TECPR2: variants seen among roughly 807,000 people sequenced by gnomAD.
TECPR2 encodes the protein tectonin beta-propeller repeat-containing protein 2.
TECPR2 carries 65 observed loss-of-function variants against 138.1 expected under a neutral mutation model. That is an observed-to-expected ratio of 0.47 (90% CI 0.39 to 0.58). The LOEUF is 0.58. Among genes scored for constraint, TECPR2 ranks in the 20% least tolerant of loss-of-function variants. The pLI, the probability that TECPR2 is intolerant of heterozygous loss-of-function variation, is 0.00. For synonymous variants in TECPR2, 746 were observed against 749.8 expected (o/e 0.99, Z 0.08); for missense variants, 1,553 against 1,824.5 (o/e 0.85, Z 2.71).
intron 17 of TECPR2, among the ~76,000 whole-genome samples, chr14:102,472,402 C>G (rs1013997383): frequency 2.6e-5 from 4 of 152,214 alleles, no homozygotes; most frequent in African/African-American, 9.7e-5. Flanking sequence ...TGATCAACAG[C>G]TTTGCCAGGA....
intron 1 of TECPR2, among the ~76,000 whole-genome samples, chr14:102,370,646 T>G (rs192898654): frequency 6.6e-6 from 1 of 152,286 alleles, no homozygotes; most frequent in African/African-American, 2.4e-5. Context: ...ACTTGGGCTT[T>G]AGCAGGAGGA....
intron 2 of TECPR2, among the ~76,000 whole-genome samples, chr14:102,406,041 C>T (rs926668895): frequency 6.8e-6 from 1 of 147,470 alleles, no homozygotes; most frequent in African/African-American, 2.5e-5. Context: ...ATCATAAAGA[C>T]GGAAAGTAGA....
intron 3 of TECPR2, 65 bp downstream of exon 3, chr14:102,407,531 A>G: frequency 6.6e-6 from 10 of 1,522,874 alleles, no homozygotes; most frequent in Non-Finnish European, 8.8e-6. Flanking sequence ...TTTTAAAATT[A>G]GAAATCCTCA....
intron 16 of TECPR2, among the ~76,000 whole-genome samples, chr14:102,454,090 T>A (rs1204618673): frequency 6.6e-6 from 1 of 151,620 alleles, no homozygotes; most frequent in Non-Finnish European, 1.5e-5. Context: ...TAGGCAGAGG[T>A]TGCAGTGAGC....
chr14:102,446,145 C>T (rs1036654937), intron 13 of TECPR2, among the ~76,000 whole-genome samples, 198 bp downstream of exon 13: 2 of 152,082 alleles, frequency 1.3e-5, no homozygotes, highest in Non-Finnish European at 2.9e-5. Flanking sequence ...CGGCTCACTG[C>T]AGTCTTGACT....
chr14:102,425,883 GTT>G (rs71470206), intron 6 of TECPR2, among the ~76,000 whole-genome samples: 1 of 113,652 alleles, frequency 8.8e-6, no homozygotes, highest in Non-Finnish European at 1.8e-5. Context: ...TTTTTTTTTT[GTT>G]TTTTTTTTTT....
rs371538349 is a variant in TECPR2, at chr14:102,498,280, G to A, written c.*23G>A. ...TGAAGGAGCCCTGGCCGAGTCACGCGGAGGGGCCCGGCGTCTGTGGCGGGC... is the reference window on the plus strand; with the variant it reads ...TGAAGGAGCCCTGGCCGAGTCACGCAGAGGGGCCCGGCGTCTGTGGCGGGC... On this transcript the variant is annotated 3_prime_UTR_variant, in exon 20 of 20. Transcript: ENST00000359520. 39 of 1,590,288 alleles carry A rather than the reference G, an allele frequency of 2.5e-5. No homozygotes were observed. Among genetic ancestry groups the A allele is most frequent in the African/African-American group, 5.3e-5 (4 of 74,808 alleles).
intron 1 of TECPR2, among the ~76,000 whole-genome samples, chr14:102,369,758 G>A (rs149430566): frequency 0.039 from 5,876 of 151,520 alleles, 132 homozygotes; most frequent in Middle Eastern, 0.083. Context: ...TGGCTAACAC[G>A]GTGAAACCCC....
intron 2 of TECPR2, among the ~76,000 whole-genome samples, chr14:102,381,813 C>T (rs944707452): frequency 5.3e-5 from 8 of 152,054 alleles, no homozygotes; most frequent in Non-Finnish European, 1.2e-4. Flanking sequence ...GATGATTTTT[C>T]CCCTATTGAG....
In TECPR2 at chr14:102,376,868, G is replaced by A. The variant is rs1474621936; in HGVS notation, c.147G>A (p.Ala49=). Residue 49 remains alanine, a synonymous_variant, in exon 2 of 20, where the codon GCG becomes GCA. Transcript: ENST00000359520. ...TALDTNGDYI[A]VGSSIGMLYL... is the part of the protein sequence containing the mutation. ...TCGACACCAACGGGGACTACATCGCGGTGGGCAGCAGCATCGGCATGCTCT... is the reference window on the plus strand; with the variant it reads ...TCGACACCAACGGGGACTACATCGCAGTGGGCAGCAGCATCGGCATGCTCT... 1.5e-5 allele frequency: 24 copies of A among 1,614,150 alleles called. No individual in the cohort carries two copies. Among genetic ancestry groups the A allele is most frequent in the Middle Eastern group, 1.6e-4 (1 of 6,062 alleles).
intron 2 of TECPR2, among the ~76,000 whole-genome samples, chr14:102,401,290 T>C (rs1888469936): frequency 6.6e-6 from 1 of 151,330 alleles, no homozygotes; most frequent in South Asian, 2.1e-4. Flanking sequence ...AATACAAACA[T>C]TAGCTGGGTG....
intron 17 of TECPR2, among the ~76,000 whole-genome samples, chr14:102,485,530 C>T (rs1266199986): frequency 1.3e-5 from 2 of 152,166 alleles, no homozygotes; most frequent in Non-Finnish European, 2.9e-5. Flanking sequence ...GGCCATGATA[C>T]CTAGAAGTAG....
In TECPR2 at chr14:102,425,187, A is replaced by G. The variant is rs201360354; in HGVS notation, c.847A>G (p.Ser283Gly). 1.9e-6 allele frequency: 3 copies of G among 1,614,162 alleles called. No individual in the cohort carries two copies. The highest frequency in any genetic ancestry group is 2.7e-5 in the African/African-American group (2 of 75,044). ...GGAATCCCCCAACAGTGGAAGTTGC[A>G]GCTTACCTGAGAGGCACCTGGGGCT... ...RLESPNSGSC[S>G]LPERHLGLVS... The change falls in exon 6 of 20, where the codon AGC (serine) becomes GGC (glycine). Residue 283 changes from serine (S) to glycine (G), a missense_variant. Coordinates refer to ENST00000359520, the MANE Select transcript of TECPR2 (RefSeq NM_014844.5).
intron 17 of TECPR2, among the ~76,000 whole-genome samples, chr14:102,489,054 G>A (rs1044970625): frequency 1.3e-5 from 2 of 151,004 alleles, no homozygotes; most frequent in Admixed American, 6.6e-5. Context: ...GGCTAATTTT[G>A]TATTTTTAGT....
intron 16 of TECPR2, among the ~76,000 whole-genome samples, chr14:102,454,219 G>T (rs1890222459): frequency 6.6e-6 from 1 of 152,008 alleles, no homozygotes; most frequent in Non-Finnish European, 1.5e-5. Flanking sequence ...CAAGCCCCTG[G>T]CTGCATTGCA....
At chr14:102,425,688 G>A (rs531408400) in intron 6 of TECPR2, among the ~76,000 whole-genome samples, 1 of 151,922 alleles carries the variant, frequency 6.6e-6, no homozygotes, top group South Asian at 2.1e-4. Flanking sequence ...CGATTCTCCT[G>A]CCTCAGCCTC....
intron 13 of TECPR2, among the ~76,000 whole-genome samples, chr14:102,446,351 C>T (rs868237225): frequency 6.6e-6 from 1 of 152,216 alleles, no homozygotes; most frequent in South Asian, 2.1e-4. Flanking sequence ...GTAATCCCAG[C>T]AATTTGAGAG....
intron 4 of TECPR2, among the ~76,000 whole-genome samples, chr14:102,413,739 CTT>C (rs1278611338): frequency 6.6e-6 from 1 of 151,990 alleles, no homozygotes; most frequent in Non-Finnish European, 1.5e-5. Flanking sequence ...ATGAAATATG[CTT>C]TGTGTTAGCA....
chr14:102,462,803 C>T lies in TECPR2; in HGVS notation c.3641-2338C>T, dbSNP rs562477985. 2.6e-5 allele frequency among the ~76,000 whole-genome samples: 4 copies of T among 152,332 alleles called. No homozygotes were observed. The East Asian group carries it at 7.7e-4, about 29-fold the overall frequency. On this transcript the variant is annotated intron_variant, in intron 16 of 19. Coordinates refer to ENST00000359520, the MANE Select transcript of TECPR2 (RefSeq NM_014844.5). ...CAAACCACAGACTAGATTTACAATG[C>T]ACGTATCTGACAAAAGACTAGTACC...
Sources: allele counts gnomAD v4.1 joint callset (sites outside exome capture counted in the v4.1 genomes callset), GRCh38; gene constraint gnomAD v4.1.1; transcripts MANE v1.5; gene names NCBI Gene and HGNC (gene_info 2026-07-23, HGNC 2026-07-21).